ATAD1: variants seen among roughly 807,000 people sequenced by gnomAD.
ATAD1 encodes the protein outer mitochondrial transmembrane helix translocase.
In ATAD1, 18 loss-of-function variants were observed where a neutral mutation model predicts 42.7. The observed-to-expected ratio is 0.42, with a 90% CI of 0.29 to 0.63. ATAD1 has a LOEUF of 0.63. Among genes scored for constraint, ATAD1 ranks in the 20% least tolerant of loss-of-function variants. ATAD1 has a pLI of 0.19. For synonymous variants in ATAD1, 132 were observed against 143.1 expected, an observed-to-expected ratio of 0.92 and a Z score of 0.55; for missense variants, 294 against 440.4, an observed-to-expected ratio of 0.67 and a Z score of 2.98.
At chr10:87,763,988 C>T (rs1589465703) in intron 8 of ATAD1, among the ~76,000 whole-genome samples, 1 of 152,052 alleles carries the variant, frequency 6.6e-6, no homozygotes. Context: ...CCTTGGGGTT[C>T]GGGGACAACA....
intron 8 of ATAD1, among the ~76,000 whole-genome samples, chr10:87,761,778 CT>C (rs1469485322): frequency 6.6e-6 from 1 of 151,692 alleles, no homozygotes; most frequent in Non-Finnish European, 1.5e-5. Context: ...CCTCTTATTT[CT>C]TTTTTAGAGA....
chr10:87,754,141 G>A lies in ATAD1; in HGVS notation c.*546C>T, dbSNP rs1854120598. On this transcript the variant is annotated 3_prime_UTR_variant, in exon 10 of 10. Transcript: ENST00000680024. ...AAACAAATGACAAATGGAAATGGCTGAATCACTGTACCTTTTTGACACAAC... is the reference window on the plus strand; with the variant it reads ...AAACAAATGACAAATGGAAATGGCTAAATCACTGTACCTTTTTGACACAAC... The A allele has an allele frequency of 6.6e-6, 1 of 152,588 alleles. No individual in the cohort carries two copies. Among genetic ancestry groups the A allele is most frequent in the Non-Finnish European group, 1.5e-5 (1 of 68,018 alleles). 9.5% of individuals were successfully genotyped at this position (152,588 alleles called of 1,614,324 possible). A position where few individuals can be genotyped will look rare whatever the true frequency, so the allele number is the denominator to read the frequency against.
intron 1 of ATAD1, chr10:87,832,701 T>C (rs189186363): frequency 1.3e-5 from 2 of 152,306 alleles, no homozygotes; most frequent in East Asian, 1.9e-4. Context: ...ATTGTATTAA[T>C]TTTAAGATCA....
intron 2 of ATAD1, among the ~76,000 whole-genome samples, chr10:87,814,098 G>T (rs1273151091): frequency 6.6e-6 from 1 of 151,998 alleles, no homozygotes; most frequent in Admixed American, 6.5e-5. Context: ...ACAGCAAAAG[G>T]CATATCATTA....
intron 2 of ATAD1, among the ~76,000 whole-genome samples, chr10:87,810,605 C>T (rs940040379): frequency 6.6e-6 from 1 of 152,122 alleles, no homozygotes; most frequent in East Asian, 1.9e-4. Flanking sequence ...CAAACATTTT[C>T]TCCAATATCT....
rs778026120 is a variant in ATAD1, at chr10:87,756,912, T to C, written c.842A>G (p.His281Arg). 2.5e-6 allele frequency: 4 copies of C among 1,600,320 alleles called. 1 individual carries two copies. In the South Asian group the frequency reaches 4.6e-5, roughly 18 times the overall value. The change falls in exon 9 of 10, where the codon CAT becomes CGT. Residue 281 changes from histidine to arginine, a missense_variant. Transcript: ENST00000680024. ...LILKNENVDRHVDLLEVAQET... is the reference protein window; with the variant it reads ...LILKNENVDRRVDLLEVAQET... ...CTGGGCAACTTCTAGCAGGTCTACA[T>C]GCCTATCCACCTTAAACAAATATAA...
chr10:87,781,853 C>T (rs376665507), intron 5 of ATAD1, among the ~76,000 whole-genome samples: 2 of 151,964 alleles, frequency 1.3e-5, no homozygotes, highest in East Asian at 3.9e-4. Context: ...ACATGTTGTC[C>T]AGGCTGGTCT....
chr10:87,759,731 C>T (rs1428038691), intron 8 of ATAD1: 1 of 455,464 alleles, frequency 2.2e-6, no homozygotes, highest in Non-Finnish European at 4.4e-6. Flanking sequence ...TCCATCACTT[C>T]TTTGTGTAAT....
chr10:87,812,928 C>T (rs1857253337), intron 2 of ATAD1, among the ~76,000 whole-genome samples: 1 of 152,184 alleles, frequency 6.6e-6, no homozygotes, highest in Non-Finnish European at 1.5e-5. Context: ...CTCTAAGAGC[C>T]ACAGTTTCTG....
At chr10:87,792,823 T>C (rs888216530) in intron 2 of ATAD1, 68 bp from the exon 3 acceptor site, 55 of 1,164,096 alleles carry the variant, frequency 4.7e-5, no homozygotes, top group African/African-American at 4.5e-4. Context: ...GAAATAGATA[T>C]ATGTGAAGTC....
chr10:87,772,735 T>C (rs1388326943), intron 6 of ATAD1, among the ~76,000 whole-genome samples: 1 of 152,152 alleles, frequency 6.6e-6, no homozygotes, highest in African/African-American at 2.4e-5. Flanking sequence ...GTATAACAGA[T>C]ACTCATGATG....
At chr10:87,766,171 T>TAAAC (rs748853621) in intron 8 of ATAD1, among the ~76,000 whole-genome samples, 2 of 152,108 alleles carry the variant, frequency 1.3e-5, no homozygotes, top group Non-Finnish European at 2.9e-5. Context: ...GGAATATGAG[T>TAAAC]AAACCGTAAC....
chr10:87,823,705 G>A (rs1177491196), intron 1 of ATAD1, among the ~76,000 whole-genome samples: 2 of 152,180 alleles, frequency 1.3e-5, no homozygotes, highest in African/African-American at 4.8e-5. Context: ...AGATGCTGTG[G>A]TTTTCAGGAT....
chr10:87,775,087 T>C (rs1032147899), intron 6 of ATAD1, among the ~76,000 whole-genome samples: 3 of 152,082 alleles, frequency 2.0e-5, no homozygotes, highest in Non-Finnish European at 4.4e-5. Flanking sequence ...CTAAATATAA[T>C]ACTTTTTTTA....
In ATAD1 at chr10:87,840,820, C is replaced by T. The variant is rs145652456; in HGVS notation, c.-14+367G>A. 1.8e-3 allele frequency among the ~76,000 whole-genome samples: 268 copies of T among 152,018 alleles called. 1 individual carries two copies. Among genetic ancestry groups the T allele is most frequent in the African/African-American group, 4.6e-3 (191 of 41,448 alleles). ...ACATACATAATGTCCCATACCAAAG[C>T]GTAGAAAGAACATAACATGACATGA... On this transcript the variant is annotated intron_variant, in intron 1 of 4. Transcript: ENST00000495903.
chr10:87,783,949 T>TA (rs753360185), intron 5 of ATAD1, among the ~76,000 whole-genome samples: 1 of 148,026 alleles, frequency 6.8e-6, no homozygotes, highest in African/African-American at 2.5e-5. Context: ...AGAAAAAAGA[T>TA]AGACTAGAAA....
chr10:87,763,203 C>A (rs1854579931), intron 8 of ATAD1, among the ~76,000 whole-genome samples: 1 of 150,536 alleles, frequency 6.6e-6, no homozygotes, highest in African/African-American at 2.4e-5. Flanking sequence ...GTACATATTT[C>A]ATGTACATAC....
chr10:87,805,635 A>G (rs1178586660), intron 2 of ATAD1, among the ~76,000 whole-genome samples: 1 of 152,076 alleles, frequency 6.6e-6, no homozygotes, highest in African/African-American at 2.4e-5. Flanking sequence ...TACTAAACAT[A>G]AAACAACTCT....
intron 8 of ATAD1, among the ~76,000 whole-genome samples, chr10:87,761,813 G>C (rs546545074): frequency 1.3e-5 from 2 of 152,084 alleles, no homozygotes; most frequent in South Asian, 4.2e-4. Flanking sequence ...TGTCACCCAG[G>C]CTAGAATGCA....
Sources: gnomAD v4.1 joint callset for allele counts (sites outside exome capture counted in the v4.1 genomes callset) on GRCh38, gnomAD v4.1.1 for gene constraint, MANE v1.5 for transcripts, NCBI Gene and HGNC (gene_info 2026-07-23, HGNC 2026-07-21) for gene names.